Variants in TMTC2 observed in about 807,000 individuals in gnomAD.
TMTC2 encodes the protein transmembrane O-mannosyltransferase targeting cadherins 2.
In TMTC2, 43 loss-of-function variants were observed where a neutral mutation model predicts 82.4. The ratio of observed to expected loss-of-function variants is 0.52; its 90% CI spans 0.41 to 0.67. TMTC2 has a LOEUF of 0.67. TMTC2 is among the 30% of genes least tolerant of loss of function. The pLI is 0.00. For missense variants in TMTC2, 919 were observed against 1,012.4 expected, an observed-to-expected ratio of 0.91 and a Z score of 1.25; for synonymous variants, 408 against 381.9, an observed-to-expected ratio of 1.07 and a Z score of -0.80.
At chr12:82,737,030 C>T (rs955108956) in intron 1 of TMTC2, among the ~76,000 whole-genome samples, 4 of 152,020 alleles carry the variant, frequency 2.6e-5, no homozygotes, top group African/African-American at 4.8e-5. Flanking sequence ...AATTTATGAC[C>T]GGTAAAATAA....
chr12:82,988,006 T>C (rs550626282), intron 8 of TMTC2, among the ~76,000 whole-genome samples: 12 of 152,314 alleles, frequency 7.9e-5, no homozygotes, highest in Non-Finnish European at 1.6e-4. Flanking sequence ...CTAAAAACTT[T>C]TGCTGAAGAA....
At chr12:82,713,332 C>CAA (rs201602876) in intron 1 of TMTC2, among the ~76,000 whole-genome samples, 20 of 147,640 alleles carry the variant, frequency 1.4e-4, no homozygotes, top group Admixed American at 2.7e-4. Flanking sequence ...AAAAGAAAAA[C>CAA]AAAAAAAAAC....
intron 1 of TMTC2, among the ~76,000 whole-genome samples, chr12:82,826,218 G>C (rs1869411728): frequency 6.6e-6 from 1 of 152,168 alleles, no homozygotes; most frequent in Non-Finnish European, 1.5e-5. Flanking sequence ...ACAACAGTAT[G>C]TATATCCGGT....
At chr12:83,058,396 C>G (rs1158894812) in intron 10 of TMTC2, among the ~76,000 whole-genome samples, 1 of 151,842 alleles carries the variant, frequency 6.6e-6, no homozygotes, top group Non-Finnish European at 1.5e-5. Flanking sequence ...GGTTTACTTC[C>G]TAGTCCAGTT....
intron 11 of TMTC2, among the ~76,000 whole-genome samples, chr12:83,070,665 G>A (rs1030890209): frequency 4.6e-5 from 7 of 152,078 alleles, no homozygotes; most frequent in African/African-American, 7.2e-5. Flanking sequence ...CCTCTTTACC[G>A]ATTTGGATGC....
At chr12:82,974,002 C>T (rs186426592) in intron 7 of TMTC2, among the ~76,000 whole-genome samples, 24 of 152,256 alleles carry the variant, frequency 1.6e-4, no homozygotes, top group Non-Finnish European at 1.9e-4. Flanking sequence ...TACAAATATA[C>T]TCAAATTAAT....
chr12:82,815,214 T>G (rs1165954450), intron 1 of TMTC2, among the ~76,000 whole-genome samples: 2 of 151,422 alleles, frequency 1.3e-5, no homozygotes, highest in African/African-American at 2.4e-5. Flanking sequence ...CCAGGCTGGA[T>G]GGAGTGCATT....
intron 1 of TMTC2, among the ~76,000 whole-genome samples, chr12:82,699,904 G>T (rs1265178357): frequency 2.0e-5 from 3 of 152,106 alleles, no homozygotes; most frequent in Non-Finnish European, 4.4e-5. Context: ...CAAAGATTGT[G>T]TCTGTACTGA....
intron 11 of TMTC2, among the ~76,000 whole-genome samples, chr12:83,123,870 A>G (rs912518124): frequency 1.3e-5 from 2 of 152,206 alleles, no homozygotes; most frequent in Non-Finnish European, 2.9e-5. Context: ...GTTGTCTAAT[A>G]TTCTTATACC....
chr12:82,809,983 C>G (rs529038220), intron 1 of TMTC2, among the ~76,000 whole-genome samples: 1 of 152,162 alleles, frequency 6.6e-6, no homozygotes, highest in South Asian at 2.1e-4. Context: ...TATATATCAT[C>G]TTAATCTCTT....
At chr12:82,779,369 T>G (rs1877778517) in intron 1 of TMTC2, among the ~76,000 whole-genome samples, 1 of 152,024 alleles carries the variant, frequency 6.6e-6, no homozygotes, top group Non-Finnish European at 1.5e-5. Flanking sequence ...AGATAGCAAA[T>G]AAGAATGTTT....
intron 1 of TMTC2, among the ~76,000 whole-genome samples, chr12:82,701,851 A>G (rs532438912): frequency 2.0e-4 from 31 of 152,128 alleles, no homozygotes; most frequent in Non-Finnish European, 3.8e-4. Flanking sequence ...TTCCCTGTAT[A>G]AAGAAAATAT....
intron 11 of TMTC2, among the ~76,000 whole-genome samples, chr12:83,062,111 T>C (rs548948511): frequency 6.6e-6 from 1 of 151,882 alleles, no homozygotes; most frequent in South Asian, 2.1e-4. Flanking sequence ...ACACCGGCTT[T>C]GGCATCACTC....
At chr12:82,875,150 A>G (rs1309604208) in intron 2 of TMTC2, among the ~76,000 whole-genome samples, 1 of 152,186 alleles carries the variant, frequency 6.6e-6, no homozygotes, top group Non-Finnish European at 1.5e-5. Flanking sequence ...CTTTCTAAGA[A>G]CTTACTTGCT....
At chr12:82,847,378 G>A (rs1011873997) in intron 1 of TMTC2, among the ~76,000 whole-genome samples, 1 of 152,114 alleles carries the variant, frequency 6.6e-6, no homozygotes, top group Non-Finnish European at 1.5e-5. Flanking sequence ...AACGGTAAAT[G>A]CAGTTTATCA....
At chr12:83,000,552 G>T (rs1879874028) in intron 8 of TMTC2, among the ~76,000 whole-genome samples, 1 of 152,214 alleles carries the variant, frequency 6.6e-6, no homozygotes. Flanking sequence ...CCGTGTGACT[G>T]CAGGGTATAG....
intron 2 of TMTC2, among the ~76,000 whole-genome samples, chr12:82,878,027 G>C (rs746930479): frequency 3.3e-5 from 5 of 152,176 alleles, no homozygotes; most frequent in African/African-American, 1.2e-4. Flanking sequence ...TTTGAGCTAC[G>C]TATTAAGATT....
chr12:82,801,232 A>G (rs1197831466), intron 1 of TMTC2, among the ~76,000 whole-genome samples: 1 of 151,776 alleles, frequency 6.6e-6, no homozygotes, highest in Non-Finnish European at 1.5e-5. Flanking sequence ...TGAGTGTTAC[A>G]GTTCTTAAAG....
chr12:82,854,264 A>G (rs1871136881), intron 1 of TMTC2, among the ~76,000 whole-genome samples: 1 of 152,240 alleles, frequency 6.6e-6, no homozygotes, highest in South Asian at 2.1e-4. Context: ...TAGAAAAGGT[A>G]GCAACTTATT....
Sources: allele counts gnomAD v4.1 joint callset (sites outside exome capture counted in the v4.1 genomes callset), GRCh38; gene constraint gnomAD v4.1.1; transcripts MANE v1.5; gene names NCBI Gene and HGNC (gene_info 2026-07-23, HGNC 2026-07-21).